Variants in FAM162A observed in about 807,000 individuals in gnomAD.
FAM162A encodes protein FAM162A.
A neutral mutation model predicts 21.8 loss-of-function variants in FAM162A; 23 were observed. That is an observed-to-expected ratio of 1.05 (90% CI 0.76 to 1.49). The LOEUF is 1.49. FAM162A is among the 40% of genes most tolerant of loss of function. FAM162A has a pLI of 0.00. For synonymous variants in FAM162A, 53 were observed against 61.3 expected, an observed-to-expected ratio of 0.86 and a Z score of 0.64; for missense variants, 165 against 186.4, an observed-to-expected ratio of 0.89 and a Z score of 0.67.
In FAM162A at chr3:122,410,882, T is replaced by A. The variant is rs1461423471; in HGVS notation, c.*1051T>A. 2 of 152,254 alleles carry A rather than the reference T, an allele frequency of 1.3e-5. No individual in the cohort carries two copies. Among genetic ancestry groups the A allele is most frequent in the African/African-American group, 2.4e-5 (1 of 41,468 alleles). 9.4% of individuals were successfully genotyped at this position (152,254 alleles called of 1,614,324 possible). A position where few individuals can be genotyped will look rare whatever the true frequency, so the allele number is the denominator to read the frequency against. On this transcript the variant is annotated 3_prime_UTR_variant, in exon 5 of 5. Transcript: ENST00000477892. ...ATCCCTCTCTCTGGTGTATTCACAC[T>A]GTATGTGCTAGCCGTCTCTGTTACG...
chr3:122,394,632 A>G (rs1001715320), intron 1 of FAM162A, among the ~76,000 whole-genome samples: 2 of 152,228 alleles, frequency 1.3e-5, no homozygotes, highest in Non-Finnish European at 2.9e-5. Context: ...AGGAGATTGA[A>G]CTAGTGATTT....
chr3:122,391,303 C>A (rs1282889484), intron 1 of FAM162A, among the ~76,000 whole-genome samples: 1 of 152,234 alleles, frequency 6.6e-6, no homozygotes, highest in Non-Finnish European at 1.5e-5. Context: ...AGCCACCCTT[C>A]TGCCTCAGCC....
chr3:122,390,063 G>A (rs1039029843), intron 1 of FAM162A, among the ~76,000 whole-genome samples: 2 of 151,922 alleles, frequency 1.3e-5, no homozygotes, highest in East Asian at 1.9e-4. Flanking sequence ...GCTTGAGCCC[G>A]GTTCAAAGTT....
chr3:122,393,767 A>C (rs2075615030), intron 1 of FAM162A, among the ~76,000 whole-genome samples: 1 of 152,212 alleles, frequency 6.6e-6, no homozygotes, highest in Non-Finnish European at 1.5e-5. Context: ...CCATCCTGAC[A>C]TCTGGAAAGC....
intron 1 of FAM162A, among the ~76,000 whole-genome samples, chr3:122,399,841 T>TGA (rs2075645122): frequency 6.6e-6 from 1 of 152,156 alleles, no homozygotes; most frequent in Non-Finnish European, 1.5e-5. Context: ...CGGTGGCTCA[T>TGA]GCCTGTAATC....
rs1486098133 is a variant in FAM162A at position 122,410,170 on chromosome 3, G to A, written c.*339G>A. 2 of 355,314 alleles carry A rather than the reference G, an allele frequency of 5.6e-6. No individual in the cohort carries two copies. Among genetic ancestry groups the A allele is most frequent in the Non-Finnish European group, 1.1e-5 (2 of 184,118 alleles). 22.0% of individuals were successfully genotyped at this position (355,314 alleles called of 1,614,324 possible). On this transcript the variant is annotated 3_prime_UTR_variant, in exon 5 of 5. Transcript: ENST00000477892. ...CTCTCCACAGGCGAACTCATTTTGA[G>A]GAGATAAGGAAGGCCAGTTGAGTAT...
chr3:122,385,064 C>G (rs576536843), intron 1 of FAM162A, among the ~76,000 whole-genome samples: 1 of 151,890 alleles, frequency 6.6e-6, no homozygotes, highest in Non-Finnish European at 1.5e-5. Context: ...TACCAGAGAT[C>G]TTTTGTTCAA....
At chr3:122,407,751 C>T (rs182004553) in intron 4 of FAM162A, 101 of 306,366 alleles carry the variant, frequency 3.3e-4, no homozygotes, top group Admixed American at 2.6e-3. Context: ...GTGTATTTAC[C>T]CTCACCATAA....
In FAM162A at chr3:122,410,118, T is replaced by TA. The variant is rs2075697860; in HGVS notation, c.*288dup. The TA allele has an allele frequency of 5.0e-6, 2 of 396,434 alleles. No homozygotes were observed. Among genetic ancestry groups the TA allele is most frequent in the Admixed American group, 7.2e-5 (2 of 27,598 alleles). The allele number at this position is 396,434 out of a possible 1,614,324, so 24.6% of individuals were successfully genotyped here. A position where few individuals can be genotyped will look rare whatever the true frequency, so the allele number is the denominator to read the frequency against. On this transcript the variant is annotated 3_prime_UTR_variant, in exon 5 of 5. Transcript: ENST00000477892. ...CTTCAGAGAAGCAGGTACCATATCT[T>TA]ACTTCTCTTCCCATTATCAAAGTAA...
intron 3 of FAM162A, 95 bp from the exon 4 acceptor site, chr3:122,407,186 A>AG (rs1268390286): frequency 1.1e-6 from 1 of 918,886 alleles, no homozygotes; most frequent in African/African-American, 1.7e-5. Context: ...TATAGACACT[A>AG]CTACATTTTG....
intron 1 of FAM162A, among the ~76,000 whole-genome samples, chr3:122,394,972 C>T (rs1346776998): frequency 2.0e-5 from 3 of 152,076 alleles, no homozygotes; most frequent in Non-Finnish European, 4.4e-5. Context: ...GGTTAGGACT[C>T]CTGACTCAAC....
At chr3:122,393,972 T>C (rs1228292175) in intron 1 of FAM162A, among the ~76,000 whole-genome samples, 1 of 152,108 alleles carries the variant, frequency 6.6e-6, no homozygotes, top group African/African-American at 2.4e-5. Flanking sequence ...GTTTAATTGG[T>C]TCATCGTTCT....
Position 122,411,950 on chromosome 3 carries a change from T to G in FAM162A, c.*2119T>G, listed in dbSNP as rs935819723. On this transcript the variant is annotated 3_prime_UTR_variant, in exon 5 of 5. Transcript: ENST00000477892. ...TCATTTCTCATTTGTGTTATTCTCCTATTTGATAACATATAGTGACTATCT... is the reference window on the plus strand; with the variant it reads ...TCATTTCTCATTTGTGTTATTCTCCGATTTGATAACATATAGTGACTATCT... 1 of 152,218 alleles carries G rather than the reference T, an allele frequency of 6.6e-6. No homozygotes were observed. Among genetic ancestry groups the G allele is most frequent in the Non-Finnish European group, 1.5e-5 (1 of 68,040 alleles). The allele number at this position is 152,218 out of a possible 1,614,324, so 9.4% of individuals were successfully genotyped here. A position where few individuals can be genotyped will look rare whatever the true frequency, so the allele number is the denominator to read the frequency against.
intron 1 of FAM162A, among the ~76,000 whole-genome samples, chr3:122,384,958 T>C (rs1305478554): frequency 6.6e-6 from 1 of 152,208 alleles, no homozygotes; most frequent in Non-Finnish European, 1.5e-5. Context: ...ACTTAGGTAA[T>C]GAAAGCTTAA....
chr3:122,386,813 T>C (rs1346825137), intron 1 of FAM162A, among the ~76,000 whole-genome samples: 1 of 152,204 alleles, frequency 6.6e-6, no homozygotes, highest in Non-Finnish European at 1.5e-5. Context: ...AGATCAGGGT[T>C]GTTAACTTGT....
At chr3:122,385,275 A>G (rs1961957) in intron 1 of FAM162A, among the ~76,000 whole-genome samples, 90,717 of 151,990 alleles carry the variant, frequency 0.6, 27,325 homozygotes, top group East Asian at 0.69. Flanking sequence ...CAGCTTATCT[A>G]GTGTTCCGGT....
chr3:122,402,759 G>C lies in FAM162A; in HGVS notation c.35-1G>C. The C allele has an allele frequency of 6.8e-7, 1 of 1,477,526 alleles. No individual in the cohort carries two copies. Among genetic ancestry groups the C allele is most frequent in the Non-Finnish European group, 9.0e-7 (1 of 1,111,700 alleles). 91.5% of individuals were successfully genotyped at this position (1,477,526 alleles called of 1,614,324 possible). A position where few individuals can be genotyped will look rare whatever the true frequency, so the allele number is the denominator to read the frequency against. On this transcript the variant is annotated splice_acceptor_variant, in intron 1 of 4. Coordinates refer to ENST00000477892, the MANE Select transcript of FAM162A (RefSeq NM_014367.4). LOFTEE classifies it high-confidence loss of function. ...TTGAAACATTTTCCTCTCTTTTTTAGGAAGCTGTTTTAGGTTATGTGAAAG... is the reference window on the plus strand; with the variant it reads ...TTGAAACATTTTCCTCTCTTTTTTACGAAGCTGTTTTAGGTTATGTGAAAG...
chr3:122,398,977 A>G (rs1448023115), intron 1 of FAM162A, among the ~76,000 whole-genome samples: 2 of 152,160 alleles, frequency 1.3e-5, no homozygotes, highest in Non-Finnish European at 2.9e-5. Flanking sequence ...CAGGTTTGTT[A>G]TATAGGTAAA....
chr3:122,390,276 C>T (rs1171886667), intron 1 of FAM162A, among the ~76,000 whole-genome samples: 1 of 146,264 alleles, frequency 6.8e-6, no homozygotes, highest in African/African-American at 2.4e-5. Flanking sequence ...TAAAGGAAGA[C>T]TGGTATTTCT....
Sources: allele counts gnomAD v4.1 joint callset (sites outside exome capture counted in the v4.1 genomes callset), GRCh38; gene constraint gnomAD v4.1.1; transcripts MANE v1.5; gene names NCBI Gene and HGNC (gene_info 2026-07-23, HGNC 2026-07-21).